The following KRT80 variants were observed in gnomAD, a reference collection of about 807,000 sequenced individuals.
The protein encoded by KRT80 is keratin 80.
Under a neutral mutation model 51.5 loss-of-function variants are expected in KRT80, and 36 were observed. The observed-to-expected ratio is 0.70, with a 90% CI of 0.54 to 0.92. The LOEUF (loss-of-function observed/expected upper bound fraction) is 0.92, where lower values mean the gene tolerates loss of function less well. Ranked by LOEUF, KRT80 falls within the 40% of genes least tolerant of loss-of-function variation. KRT80 has a pLI of 0.00. For synonymous variants in KRT80, 235 were observed against 248.3 expected, an observed-to-expected ratio of 0.95 and a Z score of 0.50; for missense variants, 566 against 591.7, an observed-to-expected ratio of 0.96 and a Z score of 0.45.
chr12:52,187,723 A>G lies in KRT80; in HGVS notation c.301-2136T>C, dbSNP rs139390885. Reference sequence around the variant, plus strand: ...AGCCAAACAGGTTCAGTAGGGATGGAGGTCAAGAGGGTTTCTGCCCTGCCT... The same window carrying G: ...AGCCAAACAGGTTCAGTAGGGATGGGGGTCAAGAGGGTTTCTGCCCTGCCT... On this transcript the variant is annotated intron_variant, in intron 1 of 8. Transcript: ENST00000394815. Among the ~76,000 whole-genome samples, 1,257 of 152,228 alleles carry G rather than the reference A, an allele frequency of 8.3e-3. 15 individuals are homozygous for G. The highest frequency in any genetic ancestry group is 0.028 in the African/African-American group (1,163 of 41,538).
rs1446283066 is a variant in KRT80, at chr12:52,169,906, G to C, written c.*1492C>G. The C allele has an allele frequency of 6.6e-6, 1 of 152,186 alleles. No individual in the cohort carries two copies. Among genetic ancestry groups the C allele is most frequent in the East Asian group, 1.9e-4 (1 of 5,186 alleles). 9.4% of individuals were successfully genotyped at this position (152,186 alleles called of 1,614,324 possible). On this transcript the variant is annotated 3_prime_UTR_variant, in exon 9 of 9. Transcript: ENST00000394815. ...CTGGAGGGCCTTGAGGCCTGGGATG[G>C]GCCCAGACCTCTGGCCAACATGTCC... is the stretch of plus-strand genomic sequence containing the variant.
intron 1 of KRT80, among the ~76,000 whole-genome samples, chr12:52,188,667 A>G (rs1271876738): frequency 1.3e-5 from 2 of 152,198 alleles, no homozygotes; most frequent in Admixed American, 6.5e-5. Flanking sequence ...CGGTGAAGAC[A>G]TTGTCTCCAT....
chr12:52,179,601 C>A (rs1702952760), intron 4 of KRT80, among the ~76,000 whole-genome samples: 1 of 152,222 alleles, frequency 6.6e-6, no homozygotes, highest in Non-Finnish European at 1.5e-5. Context: ...TCTTCCTTTC[C>A]ACAGGATGCA....
At chr12:52,175,530 G>A (rs1361319224) in intron 4 of KRT80, among the ~76,000 whole-genome samples, 1 of 152,066 alleles carries the variant, frequency 6.6e-6, no homozygotes, top group African/African-American at 2.4e-5. Context: ...CTTCTGAGCT[G>A]TAGACGACAG....
In KRT80 at chr12:52,173,080, G is replaced by A. The variant is rs1383021812; in HGVS notation, c.915C>T (p.Arg305=). 1 of 1,613,348 alleles carries A rather than the reference G, an allele frequency of 6.2e-7. No homozygotes were observed. Among genetic ancestry groups the A allele is most frequent in the Non-Finnish European group, 8.5e-7 (1 of 1,179,450 alleles). ...GGATCTGGGACCGCAGCTTCTGGATGCGCACATTGAGATCCGCGATCTCGC... is the reference window on the plus strand; with the variant it reads ...GGATCTGGGACCGCAGCTTCTGGATACGCACATTGAGATCCGCGATCTCGC... ...SRSEIADLNV[R]IQKLRSQILS... The change falls in exon 6 of 9, where the codon CGC becomes CGT. Residue 305 remains arginine, a synonymous_variant. Transcript: ENST00000394815.
At chr12:52,191,130 C>A (rs1314404222) in intron 1 of KRT80, among the ~76,000 whole-genome samples, 1 of 152,216 alleles carries the variant, frequency 6.6e-6, no homozygotes, top group Non-Finnish European at 1.5e-5. Flanking sequence ...CTCCACCCTG[C>A]TGGCTTTTCT....
intron 4 of KRT80, 64 bp downstream of exon 4, chr12:52,180,449 G>T: frequency 8.8e-7 from 1 of 1,142,632 alleles, no homozygotes; most frequent in Non-Finnish European, 1.2e-6. Flanking sequence ...TGCTTCCCCT[G>T]TGTCCTTTAC....
At chr12:52,185,636 G>T (rs1425936348) in intron 1 of KRT80, 49 bp from the exon 2 acceptor site, 2 of 1,581,562 alleles carry the variant, frequency 1.3e-6, no homozygotes, top group South Asian at 1.1e-5. Flanking sequence ...ACCAGTCGGG[G>T]GCTGAGGCCC....
intron 1 of KRT80, among the ~76,000 whole-genome samples, chr12:52,188,827 C>T (rs914786293): frequency 1.3e-5 from 2 of 152,200 alleles, no homozygotes; most frequent in Non-Finnish European, 2.9e-5. Context: ...AGGCAAGAAG[C>T]CCAGCCAGCA....
In KRT80 at chr12:52,179,272, C is replaced by A. The variant is rs114579086; in HGVS notation, c.666+1241G>T. ...ATGGCCCTGCTGATGCCAGCCTGGGCTGCACCAGCCCACAGTGAGTTTGGG... is the reference window on the plus strand; with the variant it reads ...ATGGCCCTGCTGATGCCAGCCTGGGATGCACCAGCCCACAGTGAGTTTGGG... On this transcript the variant is annotated intron_variant, in intron 4 of 8. Coordinates refer to ENST00000394815, the MANE Select transcript of KRT80 (RefSeq NM_182507.3). Among the ~76,000 whole-genome samples the A allele has an allele frequency of 8.3e-3, 1,267 of 152,342 alleles. 26 individuals carry two copies. The highest frequency in any genetic ancestry group is 0.029 in the African/African-American group (1,212 of 41,570).
At chr12:52,184,154 G>A (rs1941366051) in intron 2 of KRT80, among the ~76,000 whole-genome samples, 2 of 152,330 alleles carry the variant, frequency 1.3e-5, no homozygotes, top group South Asian at 2.1e-4. Flanking sequence ...CTGCCTGGAC[G>A]GCTGCTCTGG....
chr12:52,191,533 A>G lies in KRT80; in HGVS notation c.300+70T>C. On this transcript the variant is annotated intron_variant, in intron 1 of 8. Coordinates refer to ENST00000394815, the MANE Select transcript of KRT80 (RefSeq NM_182507.3). ...GGGGCGCGGTGATCGATGCTCAGGG[A>G]AACACAGAGCTCAGCTACCGGCCCA... 2.1e-6 allele frequency: 3 copies of G among 1,433,330 alleles called. No homozygotes were observed. In the South Asian group the frequency reaches 4.1e-5, roughly 19 times the overall value. The allele number at this position is 1,433,330 out of a possible 1,614,324, so 88.8% of individuals were successfully genotyped here.
intron 2 of KRT80, among the ~76,000 whole-genome samples, chr12:52,183,061 T>TGCA (rs1941349454): frequency 6.6e-6 from 1 of 152,226 alleles, no homozygotes; most frequent in East Asian, 1.9e-4. Flanking sequence ...TGCACACTTG[T>TGCA]GCAGCGCACA....
chr12:52,176,000 A>G (rs1259945260), intron 4 of KRT80, among the ~76,000 whole-genome samples: 2 of 152,128 alleles, frequency 1.3e-5, no homozygotes, highest in South Asian at 2.1e-4. Context: ...GTGTGCTTCT[A>G]CAGGAGGGCC....
intron 1 of KRT80, among the ~76,000 whole-genome samples, chr12:52,187,486 G>A (rs533469378): frequency 1.3e-5 from 2 of 152,328 alleles, no homozygotes; most frequent in South Asian, 4.1e-4. Context: ...GGTCAGGTGG[G>A]GCCAGCCCCT....
Position 52,171,250 on chromosome 12 carries a change from AAC to A in KRT80, c.*146_*147del. On this transcript the variant is annotated 3_prime_UTR_variant, in exon 9 of 9. Coordinates refer to ENST00000394815, the MANE Select transcript of KRT80 (RefSeq NM_182507.3). ...CCTCTCCCACCCTGGCAGCCCACAAAACACAGTCAGTTTTGAACCCCTCTCTC... is the reference window on the plus strand; with the variant it reads ...CCTCTCCCACCCTGGCAGCCCACAAAACAGTCAGTTTTGAACCCCTCTCTC... 2 of 841,230 alleles carry A rather than the reference AAC, an allele frequency of 2.4e-6. No homozygotes were observed. The highest frequency in any genetic ancestry group is 3.7e-6 in the Non-Finnish European group (2 of 540,070). The allele number at this position is 841,230 out of a possible 1,614,324, so 52.1% of individuals were successfully genotyped here.
chr12:52,174,332 C>T (rs1401605619), intron 4 of KRT80, among the ~76,000 whole-genome samples: 2 of 152,194 alleles, frequency 1.3e-5, no homozygotes, highest in African/African-American at 4.8e-5. Context: ...GTGGAGTGGG[C>T]TGGAGGCTGA....
At chr12:52,182,860 G>A (rs1299572023) in intron 2 of KRT80, among the ~76,000 whole-genome samples, 2 of 152,168 alleles carry the variant, frequency 1.3e-5, no homozygotes, top group Admixed American at 1.3e-4. Context: ...GGAGAGGACC[G>A]AGGGGAACGC....
chr12:52,184,214 C>A (rs952234291), intron 2 of KRT80, among the ~76,000 whole-genome samples: 1 of 152,206 alleles, frequency 6.6e-6, no homozygotes, highest in Non-Finnish European at 1.5e-5. Flanking sequence ...TGGGCCGCAG[C>A]ACTGCAGGAG....
Sources: gnomAD v4.1 joint callset for allele counts (sites outside exome capture counted in the v4.1 genomes callset) on GRCh38, gnomAD v4.1.1 for gene constraint, MANE v1.5 for transcripts, NCBI Gene and HGNC (gene_info 2026-07-23, HGNC 2026-07-21) for gene names.